SH3RF3: variants seen among roughly 807,000 people sequenced by gnomAD.
SH3RF3 encodes the protein SH3 domain containing ring finger 3, also known as E3 ubiquitin-protein ligase SH3RF3.
SH3RF3 carries 29 observed loss-of-function variants against 66.3 expected under a neutral mutation model. That is an observed-to-expected ratio of 0.44 (90% CI 0.33 to 0.60). The LOEUF (loss-of-function observed/expected upper bound fraction) is 0.60. Among genes scored for constraint, SH3RF3 ranks in the 20% least tolerant of loss-of-function variants. The probability of loss-of-function intolerance (pLI) is 0.04; values close to 1 mark genes in which losing one functional copy is unlikely to be tolerated. For missense variants in SH3RF3, 1,194 were observed against 1,190.9 expected (o/e 1.00, Z -0.04); for synonymous variants, 583 against 532.0 (o/e 1.10, Z -1.32).
At chr2:109,386,756 C>G (rs1166910603) in intron 3 of SH3RF3, among the ~76,000 whole-genome samples, 1 of 152,204 alleles carries the variant, frequency 6.6e-6, no homozygotes, top group African/African-American at 2.4e-5. Flanking sequence ...CAAAACTGCC[C>G]AAGGAAGAGG....
chr2:109,276,619 C>T (rs753002743), intron 1 of SH3RF3, among the ~76,000 whole-genome samples: 5 of 152,166 alleles, frequency 3.3e-5, no homozygotes, highest in Non-Finnish European at 5.9e-5. Flanking sequence ...ATTGTTTTGC[C>T]ATGGTGCTTT....
At chr2:109,343,800 A>T (rs1329740148) in intron 1 of SH3RF3, among the ~76,000 whole-genome samples, 4 of 150,644 alleles carry the variant, frequency 2.7e-5, no homozygotes, top group Non-Finnish European at 5.9e-5. Context: ...GCTGGAGTGC[A>T]GTGGTACGAT....
intron 1 of SH3RF3, among the ~76,000 whole-genome samples, chr2:109,326,540 G>T (rs1164872505): frequency 6.6e-6 from 1 of 152,110 alleles, no homozygotes; most frequent in Non-Finnish European, 1.5e-5. Flanking sequence ...TTGCCAATCT[G>T]GTGGGTGTGA....
At position 109,502,684 on chromosome 2, in the gene SH3RF3, A is replaced by G. The variant is rs1046097890; in HGVS notation, c.*1013A>G. 3 of 152,146 alleles carry G rather than the reference A, an allele frequency of 2.0e-5. No homozygotes were observed. Among genetic ancestry groups the G allele is most frequent in the Admixed American group, 6.6e-5 (1 of 15,266 alleles). The allele number at this position is 152,146 out of a possible 1,614,324, so 9.4% of individuals were successfully genotyped here. A position where few individuals can be genotyped will look rare whatever the true frequency, so the allele number is the denominator to read the frequency against. On this transcript the variant is annotated 3_prime_UTR_variant, in exon 10 of 10. Coordinates refer to ENST00000309415, the MANE Select transcript of SH3RF3 (RefSeq NM_001099289.3). ...GTGATGATTATTATTCAAGACCTGG[A>G]AACATTTCGAGGAAGGGCCACTATA...
intron 1 of SH3RF3, among the ~76,000 whole-genome samples, chr2:109,320,936 T>C (rs1049755068): frequency 2.6e-5 from 4 of 152,230 alleles, no homozygotes; most frequent in African/African-American, 7.2e-5. Flanking sequence ...TGTAAAGTGA[T>C]GGTAATATTG....
In SH3RF3 at chr2:109,223,890, C is replaced by T. The variant is rs114150363; in HGVS notation, c.573+93777C>T. On this transcript the variant is annotated intron_variant, in intron 1 of 9. Coordinates refer to ENST00000309415, the MANE Select transcript of SH3RF3 (RefSeq NM_001099289.3). ...CACATGTCTGTTGTCCCAGCTACTC[C>T]GGAGGCTGAGGTAGGAGGATCAGAT... Among the ~76,000 whole-genome samples, 587 of 152,240 alleles carry T rather than the reference C, an allele frequency of 3.9e-3. 8 individuals are homozygous for T. The highest frequency in any genetic ancestry group is 0.013 in the African/African-American group (551 of 41,544).
chr2:109,427,723 C>T (rs1487630168), intron 5 of SH3RF3, among the ~76,000 whole-genome samples: 2 of 152,228 alleles, frequency 1.3e-5, no homozygotes, highest in African/African-American at 2.4e-5. Flanking sequence ...CTTGGTTCTA[C>T]CTGGGAGAAC....
intron 1 of SH3RF3, among the ~76,000 whole-genome samples, chr2:109,229,353 C>T (rs1679445277): frequency 6.6e-6 from 1 of 152,214 alleles, no homozygotes; most frequent in South Asian, 2.1e-4. Context: ...CATACATTAA[C>T]ATGATAGTTC....
At chr2:109,279,310 G>A (rs1426814170) in intron 1 of SH3RF3, among the ~76,000 whole-genome samples, 2 of 152,222 alleles carry the variant, frequency 1.3e-5, no homozygotes, top group African/African-American at 4.8e-5. Flanking sequence ...AGGGATTGCA[G>A]TGGCCAGTGG....
At chr2:109,358,803 C>A (rs1683001897) in intron 2 of SH3RF3, among the ~76,000 whole-genome samples, 2 of 152,200 alleles carry the variant, frequency 1.3e-5, no homozygotes. Context: ...TCTAACTTAT[C>A]AATTCTTTCT....
chr2:109,500,425 G>A (rs1679359232), intron 9 of SH3RF3, among the ~76,000 whole-genome samples: 2 of 152,138 alleles, frequency 1.3e-5, no homozygotes, highest in African/African-American at 2.4e-5. Flanking sequence ...TGCAGGCGGA[G>A]GCCATGCAGG....
rs1405550740 is a variant in SH3RF3, at chr2:109,241,890, C to T, written c.574-105784C>T. Among the ~76,000 whole-genome samples, 7 of 151,896 alleles carry T rather than the reference C, an allele frequency of 4.6e-5. No individual in the cohort carries two copies. In the South Asian group the frequency reaches 8.3e-4, roughly 18 times the overall value. On this transcript the variant is annotated intron_variant, in intron 1 of 9. Coordinates refer to ENST00000309415, the MANE Select transcript of SH3RF3 (RefSeq NM_001099289.3). ...ACGCCATTCTCCTGCCTCAGCCTCC[C>T]GAGTAGCTGGGACTACAGGGGCCCA...
chr2:109,188,871 C>T (rs897856621), intron 1 of SH3RF3, among the ~76,000 whole-genome samples: 1 of 152,110 alleles, frequency 6.6e-6, no homozygotes, highest in Admixed American at 6.5e-5. Context: ...GGAACGTGTT[C>T]GCTTTGCCGG....
chr2:109,191,273 A>C (rs1678349748), intron 1 of SH3RF3, among the ~76,000 whole-genome samples: 1 of 152,306 alleles, frequency 6.6e-6, no homozygotes, highest in African/African-American at 2.4e-5. Context: ...TCAAGAGGAA[A>C]GGGAGTTGTT....
chr2:109,377,130 T>A (rs1275059894), intron 3 of SH3RF3, among the ~76,000 whole-genome samples: 2 of 152,250 alleles, frequency 1.3e-5, no homozygotes, highest in Non-Finnish European at 2.9e-5. Flanking sequence ...CTGTAACTGT[T>A]TATTCTTGGC....
intron 1 of SH3RF3, among the ~76,000 whole-genome samples, chr2:109,137,047 G>A (rs977952726): frequency 1.7e-4 from 26 of 152,170 alleles, no homozygotes; most frequent in East Asian, 3.9e-4. Flanking sequence ...CAGGGACAGC[G>A]ATTGCATTGG....
In SH3RF3 at chr2:109,129,724, G is replaced by A; in HGVS notation, c.184G>A (p.Glu62Lys). 1 of 1,538,238 alleles carries A rather than the reference G, an allele frequency of 6.5e-7. No homozygotes were observed. The highest frequency in any genetic ancestry group is 8.7e-7 in the Non-Finnish European group (1 of 1,145,200). The part of the protein sequence containing the change: ...LDLLECSVCL[E>K]RLDTTAKVLP... ...CCTGCTGGAGTGCTCCGTGTGTCTG[G>A]AGCGCCTGGACACCACGGCCAAGGT... Residue 62 changes from glutamate (E) to lysine (K), a missense_variant, in exon 1 of 10, where the codon GAG (glutamate) becomes AAG (lysine). Physicochemically the swap from Glu to Lys is moderately conservative, Grantham distance 56. Coordinates refer to ENST00000309415, the MANE Select transcript of SH3RF3 (RefSeq NM_001099289.3).
chr2:109,170,244 TTTCTCTTCTC>T (rs1206279912), intron 1 of SH3RF3, among the ~76,000 whole-genome samples: 3,041 of 32,478 alleles, frequency 0.094, 68 homozygotes, highest in Middle Eastern at 0.23. Context: ...CTTCTTTTCT[TTTCTCTTCTC>T]TTCTCTTCTC....
chr2:109,281,503 C>T (rs1415249366), intron 1 of SH3RF3, among the ~76,000 whole-genome samples: 5 of 152,184 alleles, frequency 3.3e-5, no homozygotes, highest in African/African-American at 1.2e-4. Context: ...CTGTGGGTGC[C>T]TTTCACCTGC....
Sources: allele counts gnomAD v4.1 joint callset (sites outside exome capture counted in the v4.1 genomes callset), GRCh38; gene constraint gnomAD v4.1.1; transcripts MANE v1.5; gene names NCBI Gene and HGNC (gene_info 2026-07-23, HGNC 2026-07-21).